Variants in SGCZ observed in about 807,000 individuals in gnomAD.
The protein encoded by SGCZ is sarcoglycan zeta.
In SGCZ, 40 loss-of-function variants were observed where a neutral mutation model predicts 41.3. The observed-to-expected ratio is 0.97, with a 90% CI of 0.75 to 1.26. The LOEUF is 1.26. Ranked by LOEUF, SGCZ falls within the 50% of genes most tolerant of loss-of-function variation. The pLI, the probability that SGCZ is intolerant of heterozygous loss-of-function variation, is 0.00. For missense variants in SGCZ, 552 were observed against 369.8 expected (o/e 1.49, Z -4.04); for synonymous variants, 206 against 137.5 (o/e 1.50, Z -3.49).
At chr8:14,105,991 C>A (rs1802191354) in intron 6 of SGCZ, among the ~76,000 whole-genome samples, 1 of 152,056 alleles carries the variant, frequency 6.6e-6, no homozygotes. Context: ...TGGTAAACAG[C>A]TGTGTCTATA....
intron 1 of SGCZ, among the ~76,000 whole-genome samples, chr8:14,689,964 C>T (rs1390757478): frequency 1.3e-5 from 2 of 152,132 alleles, no homozygotes; most frequent in Non-Finnish European, 2.9e-5. Flanking sequence ...GTGATAAAGT[C>T]ACAAAGAATA....
intron 1 of SGCZ, among the ~76,000 whole-genome samples, chr8:14,703,385 G>A (rs1000059175): frequency 1.9e-4 from 29 of 151,802 alleles, no homozygotes; most frequent in African/African-American, 7.0e-4. Context: ...CCACATATTT[G>A]CACGACTTAG....
chr8:14,239,979 T>A (rs1172018315), intron 3 of SGCZ, among the ~76,000 whole-genome samples: 1 of 149,034 alleles, frequency 6.7e-6, no homozygotes, highest in Non-Finnish European at 1.5e-5. Flanking sequence ...AATAATTAGG[T>A]TGAGAAGGCA....
rs184542963 is a variant in SGCZ, at chr8:14,832,735, C to A, written c.40-277809G>T. Among the ~76,000 whole-genome samples the A allele has an allele frequency of 2.3e-3, 352 of 152,210 alleles. 2 individuals are homozygous for A. Among genetic ancestry groups the A allele is most frequent in the African/African-American group, 8.1e-3 (336 of 41,540 alleles). On this transcript the variant is annotated intron_variant, in intron 1 of 7. Coordinates refer to ENST00000382080, the MANE Select transcript of SGCZ (RefSeq NM_139167.4). ...ATTCATAGAGCTGTATATTTATGATCTGTGTGCTTTCCTATGAATATTAGG... is the reference window on the plus strand; with the variant it reads ...ATTCATAGAGCTGTATATTTATGATATGTGTGCTTTCCTATGAATATTAGG...
chr8:14,303,912 C>T (rs1207424707), intron 3 of SGCZ, among the ~76,000 whole-genome samples: 2 of 151,894 alleles, frequency 1.3e-5, no homozygotes, highest in Non-Finnish European at 2.9e-5. Context: ...CCACCAAGCC[C>T]AGCTAATTTT....
chr8:15,161,047 C>T (rs191048603), intron 1 of SGCZ, among the ~76,000 whole-genome samples: 3 of 152,174 alleles, frequency 2.0e-5, no homozygotes, highest in Middle Eastern at 3.4e-3. Context: ...CTTCAACGGC[C>T]TCTTTCTCTG....
intron 1 of SGCZ, among the ~76,000 whole-genome samples, chr8:14,847,667 G>A (rs1465090926): frequency 1.6e-5 from 2 of 122,694 alleles, no homozygotes; most frequent in South Asian, 3.1e-4. Flanking sequence ...GGGAGGGAAG[G>A]AAGGAAAGAT....
intron 1 of SGCZ, among the ~76,000 whole-genome samples, chr8:14,843,914 G>A (rs1408385902): frequency 1.3e-5 from 2 of 151,712 alleles, no homozygotes; most frequent in African/African-American, 4.8e-5. Context: ...GATGAACACT[G>A]TACTATGCCT....
intron 1 of SGCZ, among the ~76,000 whole-genome samples, chr8:15,111,292 A>G (rs1807040480): frequency 6.6e-6 from 1 of 152,162 alleles, no homozygotes; most frequent in Non-Finnish European, 1.5e-5. Flanking sequence ...AAAGGATCAG[A>G]GGCAACTCTC....
At chr8:14,702,437 C>A (rs1809168400) in intron 1 of SGCZ, among the ~76,000 whole-genome samples, 1 of 151,876 alleles carries the variant, frequency 6.6e-6, no homozygotes, top group Admixed American at 6.6e-5. Context: ...ATATCTACGA[C>A]TAAATAGGAA....
intron 1 of SGCZ, among the ~76,000 whole-genome samples, chr8:15,115,400 G>A (rs1807229543): frequency 6.6e-6 from 1 of 152,188 alleles, no homozygotes; most frequent in African/African-American, 2.4e-5. Context: ...TGGAAAACTG[G>A]ATGTACATAA....
At chr8:14,720,100 T>C (rs13439463) in intron 1 of SGCZ, among the ~76,000 whole-genome samples, 54,055 of 151,776 alleles carry the variant, frequency 0.36, 11,415 homozygotes, top group African/African-American at 0.58. Flanking sequence ...AGCAAGTTCT[T>C]TGTCTTTTTT....
chr8:14,635,602 A>C (rs1297375008), intron 1 of SGCZ, among the ~76,000 whole-genome samples: 2 of 151,784 alleles, frequency 1.3e-5, no homozygotes, highest in Admixed American at 6.6e-5. Context: ...TAGCAGGTAA[A>C]ATTTCACATA....
At chr8:14,357,410 CTG>C (rs1391627048) in intron 2 of SGCZ, among the ~76,000 whole-genome samples, 1 of 152,172 alleles carries the variant, frequency 6.6e-6, no homozygotes, top group African/African-American at 2.4e-5. Context: ...CATAAAAAAA[CTG>C]TGTAGCAATG....
chr8:14,239,673 C>T lies in SGCZ; in HGVS notation c.337-1994G>A, dbSNP rs897808706. On this transcript the variant is annotated intron_variant, in intron 3 of 7. Coordinates refer to ENST00000382080, the MANE Select transcript of SGCZ (RefSeq NM_139167.4). The stretch of plus-strand genomic sequence containing the variant: ...ATTCCAGCACTTTGGGAGGCCGAGG[C>T]GGGCGGATCACGAGGTCAGGAGATC... Among the ~76,000 whole-genome samples the T allele has an allele frequency of 3.3e-5, 5 of 151,550 alleles. No homozygotes were observed. In the South Asian group the frequency reaches 6.3e-4, roughly 19 times the overall value.
intron 2 of SGCZ, among the ~76,000 whole-genome samples, chr8:14,328,672 A>C (rs66502804): frequency 6.6e-6 from 1 of 151,976 alleles, no homozygotes; most frequent in Non-Finnish European, 1.5e-5. Context: ...TCTACACCAA[A>C]TTTCATATCA....
intron 1 of SGCZ, among the ~76,000 whole-genome samples, chr8:14,889,462 G>T (rs1302073427): frequency 2.0e-5 from 3 of 152,098 alleles, no homozygotes; most frequent in Non-Finnish European, 2.9e-5. Flanking sequence ...TTATATTAAT[G>T]TATTAAGTTG....
chr8:14,406,891 C>T (rs998248564), intron 2 of SGCZ, among the ~76,000 whole-genome samples: 1 of 152,112 alleles, frequency 6.6e-6, no homozygotes, highest in African/African-American at 2.4e-5. Flanking sequence ...CAAGGAGCTG[C>T]TGCTGTATAC....
chr8:15,011,279 G>A (rs931659645), intron 1 of SGCZ, among the ~76,000 whole-genome samples: 3 of 151,740 alleles, frequency 2.0e-5, no homozygotes, highest in Non-Finnish European at 4.4e-5. Context: ...GTTCCAGGAG[G>A]TATGTGTCTG....
Sources: allele counts gnomAD v4.1 joint callset (sites outside exome capture counted in the v4.1 genomes callset), GRCh38; gene constraint gnomAD v4.1.1; transcripts MANE v1.5; gene names NCBI Gene and HGNC (gene_info 2026-07-23, HGNC 2026-07-21).